Variants in MDH1 observed in about 807,000 individuals in gnomAD.
The protein encoded by MDH1 is malate dehydrogenase, cytoplasmic.
MDH1 carries 15 observed loss-of-function variants against 38.7 expected under a neutral mutation model. The ratio of observed to expected loss-of-function variants is 0.39; its 90% CI spans 0.26 to 0.60. The LOEUF (loss-of-function observed/expected upper bound fraction) is 0.60, where lower values mean the gene tolerates loss of function less well. MDH1 is among the 20% of genes least tolerant of loss of function. The probability of loss-of-function intolerance (pLI) is 0.56; values close to 1 mark genes in which losing one functional copy is unlikely to be tolerated. For synonymous variants in MDH1, 144 were observed against 143.6 expected, an observed-to-expected ratio of 1.00 and a Z score of -0.02; for missense variants, 368 against 405.2, an observed-to-expected ratio of 0.91 and a Z score of 0.79.
chr2:63,592,411 C>T (rs1312676256), intron 1 of MDH1, among the ~76,000 whole-genome samples: 4 of 152,212 alleles, frequency 2.6e-5, no homozygotes, highest in African/African-American at 9.6e-5. Flanking sequence ...AGTGCACTCA[C>T]ACAGTAATGG....
intron 1 of MDH1, chr2:63,589,304 C>A: frequency 1.9e-6 from 3 of 1,550,724 alleles, no homozygotes; most frequent in South Asian, 1.2e-5. Flanking sequence ...CGATCTTAAT[C>A]CTGCTGCATG....
In MDH1 at chr2:63,604,719, T is replaced by G. The variant is rs751883090; in HGVS notation, c.522T>G (p.Thr174=). The change falls in exon 6 of 9, where the codon ACT becomes ACG. Residue 174 remains threonine, a synonymous_variant. Coordinates refer to ENST00000233114, the MANE Select transcript of MDH1 (RefSeq NM_005917.4). ...KAQIALKLGV[T]ANDVKNVIIW... Reference sequence around the variant, plus strand: ...AGATTGCTCTTAAACTTGGTGTGACTGCTAATGATGTAAAGAATGTCATTA... The same window carrying G: ...AGATTGCTCTTAAACTTGGTGTGACGGCTAATGATGTAAAGAATGTCATTA... 1.2e-6 allele frequency: 2 copies of G among 1,614,014 alleles called. No individual in the cohort carries two copies. The highest frequency in any genetic ancestry group is 1.7e-6 in the Non-Finnish European group (2 of 1,179,938).
chr2:63,601,648 G>A (rs185299721), intron 5 of MDH1, among the ~76,000 whole-genome samples: 6 of 152,272 alleles, frequency 3.9e-5, no homozygotes, highest in African/African-American at 1.4e-4. Flanking sequence ...TTGCTGTCCA[G>A]ACAGAACTGG....
rs2106628415 is a variant in MDH1 at position 63,605,264 on chromosome 2, C to T, written c.676-16C>T. 3 of 1,561,852 alleles carry T rather than the reference C, an allele frequency of 1.9e-6. No homozygotes were observed. The highest frequency in any genetic ancestry group is 2.6e-6 in the Non-Finnish European group (3 of 1,132,864). Reference sequence around the variant, plus strand: ...TGACCAAGTAATACTGCTGCCTTCACCTGCCCCCTTCCCAGACTGTGCAGC... The same window carrying T: ...TGACCAAGTAATACTGCTGCCTTCATCTGCCCCCTTCCCAGACTGTGCAGC... On this transcript the variant is annotated splice_polypyrimidine_tract_variant and intron_variant, in intron 6 of 8. Transcript: ENST00000233114.
chr2:63,595,423 C>T lies in MDH1; in HGVS notation c.103C>T (p.Pro35Ser), dbSNP rs767500264. 17 of 1,590,820 alleles carry T rather than the reference C, an allele frequency of 1.1e-5. No individual in the cohort carries two copies. The highest frequency in any genetic ancestry group is 1.7e-5 in the Admixed American group (1 of 59,972). The change falls in exon 3 of 9, where the codon CCT becomes TCT. Residue 35 changes from proline (P) to serine (S), a missense_variant and splice_region_variant. Pro to Ser is a moderately conservative substitution (Grantham distance 74). Transcript: ENST00000233114. The part of the protein sequence containing the change: ...GNGSVFGKDQ[P>S]IILVLLDITP... The stretch of plus-strand genomic sequence containing the variant: ...AGATGCTGTCCTTGCTATTTGGTAG[C>T]CTATAATTCTTGTGCTGTTGGATAT...
Position 63,595,490 on chromosome 2 carries a change from T to C in MDH1, c.170T>C (p.Leu57Pro). The C allele has an allele frequency of 6.2e-7, 1 of 1,611,880 alleles. No homozygotes were observed. Among genetic ancestry groups the C allele is most frequent in the African/African-American group, 1.3e-5 (1 of 75,000 alleles). The change falls in exon 3 of 9, where the codon CTG (leucine) becomes CCG (proline). Residue 57 changes from leucine (L) to proline (P), a missense_variant. Leu to Pro is a moderately conservative substitution (Grantham distance 98, BLOSUM62 -3). Transcript: ENST00000233114. ...GTCCTGGACGGTGTCCTAATGGAAC[T>C]GCAAGACTGTGCCCTTCCCCTCCTG... ...MGVLDGVLME[L>P]QDCALPLLKD... is the part of the protein sequence containing the mutation.
At chr2:63,605,174 A>T (rs780162621) in intron 6 of MDH1, 106 bp from the exon 7 acceptor site, 54 of 749,546 alleles carry the variant, frequency 7.2e-5, no homozygotes, top group Non-Finnish European at 1.1e-4. Context: ...GAGGGGAAAC[A>T]TTAAGCTCTG....
intron 1 of MDH1, chr2:63,589,400 G>A (rs556524886): frequency 6.5e-7 from 1 of 1,548,908 alleles, no homozygotes; most frequent in East Asian, 2.4e-5. Context: ...CGATGGGAGG[G>A]AAAGGTTGGG....
Position 63,606,004 on chromosome 2 carries a change from C to G in MDH1, c.855C>G (p.Leu285=), listed in dbSNP as rs748037880. Residue 285 remains leucine (L), a synonymous_variant, in exon 8 of 9, where the codon CTC becomes CTG. Transcript: ENST00000233114. ...CCTATGGTGTTCCTGATGATCTGCT[C>G]TACTCATTCCCTGTTGTAATCAAGG... The part of the protein sequence containing the change: ...GNSYGVPDDL[L]YSFPVVIKNK... The G allele has an allele frequency of 6.2e-7, 1 of 1,614,010 alleles. No individual in the cohort carries two copies. Among genetic ancestry groups the G allele is most frequent in the East Asian group, 2.2e-5 (1 of 44,880 alleles).
At chr2:63,600,345 C>T (rs1164711272) in intron 5 of MDH1, among the ~76,000 whole-genome samples, 1 of 151,958 alleles carries the variant, frequency 6.6e-6, no homozygotes, top group Non-Finnish European at 1.5e-5. Flanking sequence ...AAACTGAGGC[C>T]CAGGGAAGTC....
At chr2:63,605,214 G>T in intron 6 of MDH1, 66 bp from the exon 7 acceptor site, 1 of 1,070,372 alleles carries the variant, frequency 9.3e-7, no homozygotes, top group Non-Finnish European at 1.4e-6. Flanking sequence ...AGGTCGACTT[G>T]GAATTAATGA....
At chr2:63,599,377 G>T in intron 5 of MDH1, 85 bp downstream of exon 5, 2 of 1,423,046 alleles carry the variant, frequency 1.4e-6, no homozygotes, top group Non-Finnish European at 9.4e-7. Flanking sequence ...ATCTGAGTTT[G>T]TGCTTTTTTC....
Position 63,604,787 on chromosome 2 carries a change from A to G in MDH1, c.590A>G (p.His197Arg). Residue 197 changes from histidine (H) to arginine (R), a missense_variant, in exon 6 of 9, where the codon CAT (histidine) becomes CGT (arginine). Transcript: ENST00000233114. ...HSSTQYPDVN[H>R]AKVKLQGKEV... ...TCGACTCAGTATCCAGATGTCAACCATGCCAAGGTGAAATTGCAAGGAAAG... is the reference window on the plus strand; with the variant it reads ...TCGACTCAGTATCCAGATGTCAACCGTGCCAAGGTGAAATTGCAAGGAAAG... 6.2e-7 allele frequency: 1 copy of G among 1,614,190 alleles called. No homozygotes were observed. Among genetic ancestry groups the G allele is most frequent in the Non-Finnish European group, 8.5e-7 (1 of 1,180,014 alleles).
chr2:63,592,423 T>C (rs944457988), intron 1 of MDH1, among the ~76,000 whole-genome samples: 2 of 152,194 alleles, frequency 1.3e-5, no homozygotes, highest in Admixed American at 1.3e-4. Flanking sequence ...CAGTAATGGC[T>C]CACTGTAGCC....
chr2:63,589,858 ATCAAAC>A (rs1709133483), intron 1 of MDH1: 1 of 176,218 alleles, frequency 5.7e-6, no homozygotes, highest in African/African-American at 2.4e-5. Flanking sequence ...GACATTTGTC[ATCAAAC>A]TCAGAGAAAT....
Position 63,597,378 on chromosome 2 carries a change from TA to T in MDH1, c.200-20del. ...ACTTTGATGTTTAAGTAGCTCTGCG[TA>T]TTTATTGCCATGTCCACAGATGTCA... On this transcript the variant is annotated intron_variant, in intron 3 of 8. Coordinates refer to ENST00000233114, the MANE Select transcript of MDH1 (RefSeq NM_005917.4). 1 of 1,346,840 alleles carries T rather than the reference TA, an allele frequency of 7.4e-7. No homozygotes were observed. The highest frequency in any genetic ancestry group is 2.8e-5 in the East Asian group (1 of 36,224). 83.4% of individuals were successfully genotyped at this position (1,346,840 alleles called of 1,614,324 possible). A position where few individuals can be genotyped will look rare whatever the true frequency, so the allele number is the denominator to read the frequency against.
intron 4 of MDH1, 104 bp downstream of exon 4, chr2:63,597,678 T>G: frequency 9.7e-7 from 1 of 1,033,752 alleles, no homozygotes; most frequent in South Asian, 4.3e-5. Flanking sequence ...TTTCTAGTTC[T>G]GTACAATCAT....
At chr2:63,593,743 ATTATTG>A (rs1335368296) in intron 1 of MDH1, 1 of 465,220 alleles carries the variant, frequency 2.1e-6, no homozygotes, top group African/African-American at 2.0e-5. Context: ...GTTTCTAAAC[ATTATTG>A]TTTTGTTCTT....
intron 4 of MDH1, 77 bp downstream of exon 4, chr2:63,597,651 A>G: frequency 2.4e-6 from 3 of 1,267,146 alleles, no homozygotes; most frequent in Non-Finnish European, 3.1e-6. Flanking sequence ...AAGCAAAACC[A>G]AAATTATTTG....
Sources: gnomAD v4.1 joint callset for allele counts (sites outside exome capture counted in the v4.1 genomes callset) on GRCh38, gnomAD v4.1.1 for gene constraint, MANE v1.5 for transcripts, NCBI Gene and HGNC (gene_info 2026-07-23, HGNC 2026-07-21) for gene names.